Variants in MTDH observed in about 807,000 individuals in gnomAD.
MTDH encodes protein LYRIC.
MTDH carries 34 observed loss-of-function variants against 72.7 expected under a neutral mutation model. That is an observed-to-expected ratio of 0.47 (90% confidence interval 0.36 to 0.62). MTDH has a LOEUF of 0.62. Ranked by LOEUF, MTDH falls within the 20% of genes least tolerant of loss-of-function variation. MTDH has a pLI of 0.00. For synonymous variants in MTDH, 266 were observed against 268.9 expected (o/e 0.99, Z 0.10); for missense variants, 677 against 699.4 (o/e 0.97, Z 0.36).
chr8:97,704,653 A>G (rs918473240), intron 7 of MTDH, among the ~76,000 whole-genome samples: 3 of 151,620 alleles, frequency 2.0e-5, no homozygotes, highest in African/African-American at 7.3e-5. Context: ...ATAATGTTTT[A>G]TTTTTTTCTG....
At chr8:97,696,374 C>A in intron 6 of MTDH, 1 of 583,852 alleles carries the variant, frequency 1.7e-6, no homozygotes, top group Non-Finnish European at 2.2e-6. Context: ...AACTAATCAA[C>A]ATCAAGTACT....
At position 97,706,611 on chromosome 8, in the gene MTDH, A is replaced by G; in HGVS notation, c.1148-15A>G. ...CAAAAATGATAGACGCCTAATTCAC[A>G]CTGTTAAATTTTAGATGGTCTGTCT... On this transcript the variant is annotated splice_polypyrimidine_tract_variant and intron_variant, in intron 7 of 11. Transcript: ENST00000336273. 6.5e-7 allele frequency: 1 copy of G among 1,538,082 alleles called. No homozygotes were observed. The highest frequency in any genetic ancestry group is 8.7e-7 in the Non-Finnish European group (1 of 1,142,966).
chr8:97,675,531 G>T (rs1222576187), intron 2 of MTDH, among the ~76,000 whole-genome samples: 1 of 143,326 alleles, frequency 7.0e-6, no homozygotes, highest in Admixed American at 7.3e-5. Context: ...CTGCACTCCA[G>T]CCTGGGTGAC....
intron 2 of MTDH, among the ~76,000 whole-genome samples, chr8:97,662,989 G>A (rs1812233041): frequency 6.6e-6 from 1 of 152,018 alleles, no homozygotes; most frequent in Non-Finnish European, 1.5e-5. Context: ...TTTGTCTTTG[G>A]CAGAAAAGTA....
chr8:97,649,891 ACTGCC>A (rs1811702031), intron 1 of MTDH, among the ~76,000 whole-genome samples: 1 of 151,698 alleles, frequency 6.6e-6, no homozygotes, highest in African/African-American at 2.4e-5. Flanking sequence ...GGCATGAGCC[ACTGCC>A]CCCGGCCATT....
intron 2 of MTDH, among the ~76,000 whole-genome samples, chr8:97,675,968 T>G (rs1812830830): frequency 6.7e-6 from 1 of 148,694 alleles, no homozygotes; most frequent in African/African-American, 2.5e-5. Context: ...TGAGATAGGG[T>G]CTCACTCTGT....
At chr8:97,688,573 A>G (rs909595040) in intron 4 of MTDH, among the ~76,000 whole-genome samples, 1 of 152,102 alleles carries the variant, frequency 6.6e-6, no homozygotes, top group Admixed American at 6.6e-5. Flanking sequence ...TTTTTGTGTT[A>G]TAATGTGTAT....
chr8:97,660,011 T>C (rs1004893300), intron 1 of MTDH, among the ~76,000 whole-genome samples: 4 of 151,978 alleles, frequency 2.6e-5, no homozygotes, highest in African/African-American at 7.3e-5. Context: ...ATACAAAAAT[T>C]AGCCGGGCGT....
At chr8:97,674,658 T>C (rs1400692973) in intron 2 of MTDH, among the ~76,000 whole-genome samples, 3 of 152,174 alleles carry the variant, frequency 2.0e-5, no homozygotes, top group Non-Finnish European at 2.9e-5. Context: ...AAAAACATTG[T>C]TAATATTACA....
chr8:97,712,094 G>A (rs1433266512), intron 8 of MTDH, among the ~76,000 whole-genome samples: 1 of 152,200 alleles, frequency 6.6e-6, no homozygotes, highest in African/African-American at 2.4e-5. Flanking sequence ...CTGGAGTGCA[G>A]TGGCATGATC....
At chr8:97,668,003 T>C (rs549111321) in intron 2 of MTDH, among the ~76,000 whole-genome samples, 3 of 151,840 alleles carry the variant, frequency 2.0e-5, no homozygotes, top group Non-Finnish European at 4.4e-5. Flanking sequence ...TTGGAAGATC[T>C]ACCGCCAGGC....
chr8:97,680,255 A>G (rs775700220), intron 2 of MTDH, among the ~76,000 whole-genome samples: 27 of 152,032 alleles, frequency 1.8e-4, no homozygotes, highest in Non-Finnish European at 2.4e-4. Flanking sequence ...TATTTTTTGT[A>G]GAGACACAGT....
At position 97,723,121 on chromosome 8, in the gene MTDH, A is replaced by T. The variant is rs889267425; in HGVS notation, c.1678+86A>T. The T allele has an allele frequency of 2.2e-5, 31 of 1,410,110 alleles. No homozygotes were observed. In the Admixed American group the frequency reaches 5.9e-4, roughly 27 times the overall value. 87.3% of individuals were successfully genotyped at this position (1,410,110 alleles called of 1,614,324 possible). On this transcript the variant is annotated intron_variant, in intron 11 of 11. Transcript: ENST00000336273. Reference sequence around the variant, plus strand: ...TGATCTTAAAAGTCTAATGGAGGCCAGGCGCAGTGGCTCACGCCTGTAATC... The same window carrying T: ...TGATCTTAAAAGTCTAATGGAGGCCTGGCGCAGTGGCTCACGCCTGTAATC...
intron 10 of MTDH, among the ~76,000 whole-genome samples, chr8:97,722,595 C>G (rs1481920734): frequency 6.6e-6 from 1 of 152,036 alleles, no homozygotes; most frequent in African/African-American, 2.4e-5. Context: ...GAGTGAGACT[C>G]CACCTCAAAA....
At chr8:97,670,852 G>C (rs561839229) in intron 2 of MTDH, among the ~76,000 whole-genome samples, 3 of 151,840 alleles carry the variant, frequency 2.0e-5, no homozygotes, top group Admixed American at 6.6e-5. Context: ...CGCCACCTGG[G>C]TTCGAGTGAT....
chr8:97,714,892 C>G (rs574952764), intron 9 of MTDH, among the ~76,000 whole-genome samples: 2 of 151,978 alleles, frequency 1.3e-5, no homozygotes, highest in South Asian at 2.1e-4. Context: ...GTAGTGCGAT[C>G]TCAGCTCATT....
chr8:97,657,743 TGC>T (rs1374685482), intron 1 of MTDH, among the ~76,000 whole-genome samples: 4 of 152,126 alleles, frequency 2.6e-5, no homozygotes, highest in Non-Finnish European at 5.9e-5. Context: ...TCTGAGCTCT[TGC>T]TGATCCTCTT....
At chr8:97,682,228 CTTTATA>C (rs1349104116) in intron 2 of MTDH, among the ~76,000 whole-genome samples, 10 of 44,058 alleles carry the variant, frequency 2.3e-4, no homozygotes, top group South Asian at 8.8e-4. Flanking sequence ...TTGTTAATTA[CTTTATA>C]TATATATATA....
rs1287309960 is a variant in MTDH at position 97,726,675 on chromosome 8, A to G, written c.*2005A>G. On this transcript the variant is annotated 3_prime_UTR_variant, in exon 12 of 12. Coordinates refer to ENST00000336273, the MANE Select transcript of MTDH (RefSeq NM_178812.4). ...CAGCAGATGTTTTGAGGAGAATGGCATTGTGGAGATGCAGAGATGCGTTGC... is the reference window on the plus strand; with the variant it reads ...CAGCAGATGTTTTGAGGAGAATGGCGTTGTGGAGATGCAGAGATGCGTTGC... 1 of 152,196 alleles carries G rather than the reference A, an allele frequency of 6.6e-6. No individual in the cohort carries two copies. The highest frequency in any genetic ancestry group is 1.5e-5 in the Non-Finnish European group (1 of 68,050). The allele number at this position is 152,196 out of a possible 1,614,324, so 9.4% of individuals were successfully genotyped here. A position where few individuals can be genotyped will look rare whatever the true frequency, so the allele number is the denominator to read the frequency against.
Sources: gnomAD v4.1 joint callset for allele counts (sites outside exome capture counted in the v4.1 genomes callset) on GRCh38, gnomAD v4.1.1 for gene constraint, MANE v1.5 for transcripts, NCBI Gene and HGNC (gene_info 2026-07-23, HGNC 2026-07-21) for gene names.